RAB11A: variants seen among roughly 807,000 people sequenced by gnomAD.
RAB11A encodes ras-related protein Rab-11A.
In RAB11A, 9 loss-of-function variants were observed where a neutral mutation model predicts 28.0. The observed-to-expected ratio is 0.32, with a 90% CI of 0.19 to 0.56. RAB11A has a LOEUF of 0.56. Ranked by LOEUF, RAB11A falls within the 20% of genes least tolerant of loss-of-function variation. The pLI is 0.91. For missense variants in RAB11A, 108 were observed against 269.6 expected (o/e 0.40, Z 4.20); for synonymous variants, 85 against 88.2 (o/e 0.96, Z 0.20).
At chr15:65,875,313 A>T (rs1481100266) in intron 1 of RAB11A, among the ~76,000 whole-genome samples, 2 of 151,434 alleles carry the variant, frequency 1.3e-5, no homozygotes, top group Non-Finnish European at 2.9e-5. Flanking sequence ...TGTATAAGTG[A>T]TTCAAAGGCC....
At chr15:65,883,637 C>T (rs1371579518) in intron 4 of RAB11A, among the ~76,000 whole-genome samples, 3 of 152,016 alleles carry the variant, frequency 2.0e-5, no homozygotes, top group Non-Finnish European at 4.4e-5. Context: ...CCAGGCAAGA[C>T]TCTGCCTCCT....
chr15:65,871,293 C>G (rs993231544), intron 1 of RAB11A, among the ~76,000 whole-genome samples: 3 of 152,208 alleles, frequency 2.0e-5, no homozygotes, highest in African/African-American at 7.2e-5. Context: ...TCCACCCTCC[C>G]CCTCCATACT....
intron 4 of RAB11A, among the ~76,000 whole-genome samples, chr15:65,884,640 A>C (rs1214686914): frequency 6.6e-6 from 1 of 152,022 alleles, no homozygotes; most frequent in African/African-American, 2.4e-5. Context: ...CACTTACTCC[A>C]GTTACCAAAA....
Position 65,890,876 on chromosome 15 carries a change from A to G in RAB11A, c.*3036A>G, listed in dbSNP as rs2078288978. On this transcript the variant is annotated 3_prime_UTR_variant, in exon 5 of 5. Transcript: ENST00000261890. The stretch of plus-strand genomic sequence containing the variant: ...GGGCTTGGTTTAACAGAGGAAAAAA[A>G]TATAAATTGATTTTCTGATGTCTCA... The G allele has an allele frequency of 1.3e-5, 2 of 152,250 alleles. No homozygotes were observed. The highest frequency in any genetic ancestry group is 2.1e-4 in the South Asian group (1 of 4,834). 9.4% of individuals were successfully genotyped at this position (152,250 alleles called of 1,614,324 possible).
intron 1 of RAB11A, among the ~76,000 whole-genome samples, 156 bp downstream of exon 1, chr15:65,869,781 TC>T (rs2078146715): frequency 1.3e-5 from 2 of 151,916 alleles, no homozygotes; most frequent in South Asian, 4.2e-4. Context: ...CAGCCTCTTC[TC>T]CCCCGCTCAG....
chr15:65,883,056 A>G (rs992706131), intron 4 of RAB11A, among the ~76,000 whole-genome samples: 1 of 152,152 alleles, frequency 6.6e-6, no homozygotes, highest in African/African-American at 2.4e-5. Context: ...GATGACCCTC[A>G]TCCTTGAGTA....
At chr15:65,871,887 A>G (rs1449541012) in intron 1 of RAB11A, among the ~76,000 whole-genome samples, 1 of 150,784 alleles carries the variant, frequency 6.6e-6, no homozygotes, top group Non-Finnish European at 1.5e-5. Flanking sequence ...ATAAATGGTA[A>G]TAATGTGAAA....
chr15:65,872,037 A>AC (rs1038761867), intron 1 of RAB11A, among the ~76,000 whole-genome samples: 2 of 142,198 alleles, frequency 1.4e-5, no homozygotes, highest in African/African-American at 2.7e-5. Flanking sequence ...GGCTCAGGTG[A>AC]CCCCCCGACC....
intron 4 of RAB11A, among the ~76,000 whole-genome samples, chr15:65,885,918 T>C (rs2078253217): frequency 6.6e-6 from 1 of 152,164 alleles, no homozygotes; most frequent in Non-Finnish European, 1.5e-5. Flanking sequence ...GGAATTCTGT[T>C]GAGGGGATTA....
At chr15:65,876,873 C>G (rs2078194418) in intron 1 of RAB11A, among the ~76,000 whole-genome samples, 2 of 152,210 alleles carry the variant, frequency 1.3e-5, no homozygotes, top group South Asian at 4.1e-4. Context: ...TTTTGTCCTT[C>G]CCTACCCACT....
rs2141103762 is a variant in RAB11A at position 65,877,888 on chromosome 15, T to C, written c.363T>C (p.Leu121=). The stretch of plus-strand genomic sequence containing the variant: ...CTGATAGTAACATTGTTATCATGCT[T>C]GTGGGCAATAAGAGTGATCTACGTC... ...DHADSNIVIM[L]VGNKSDLRHL... is the part of the protein sequence containing the mutation. The change falls in exon 3 of 5, where the codon CTT becomes CTC. Residue 121 remains leucine (L), a synonymous_variant. Coordinates refer to ENST00000261890, the MANE Select transcript of RAB11A (RefSeq NM_004663.5). The surrounding 1 kb of genome is among the most constrained non-coding windows in gnomAD (Gnocchi z 4.1). 6.2e-7 allele frequency: 1 copy of C among 1,613,944 alleles called. No individual in the cohort carries two copies. Among genetic ancestry groups the C allele is most frequent in the Non-Finnish European group, 8.5e-7 (1 of 1,179,806 alleles).
In RAB11A at chr15:65,890,812, T is replaced by C. The variant is rs2141111894; in HGVS notation, c.*2972T>C. 6.6e-6 allele frequency: 1 copy of C among 152,326 alleles called. No homozygotes were observed. The highest frequency in any genetic ancestry group is 1.9e-4 in the East Asian group (1 of 5,182). 9.4% of individuals were successfully genotyped at this position (152,326 alleles called of 1,614,324 possible). A position where few individuals can be genotyped will look rare whatever the true frequency, so the allele number is the denominator to read the frequency against. On this transcript the variant is annotated 3_prime_UTR_variant, in exon 5 of 5. Coordinates refer to ENST00000261890, the MANE Select transcript of RAB11A (RefSeq NM_004663.5). ...AAAGAATTCAAAGGCTGGGTGGATA[T>C]TTAAGAACTTATTCTAACCTGTCAG...
At chr15:65,879,107 C>T (rs1231283386) in intron 3 of RAB11A, among the ~76,000 whole-genome samples, 2 of 151,870 alleles carry the variant, frequency 1.3e-5, no homozygotes, top group Non-Finnish European at 1.5e-5. Flanking sequence ...GATCTTCCAC[C>T]TCAGCCTCCT....
intron 1 of RAB11A, among the ~76,000 whole-genome samples, chr15:65,875,829 G>T (rs1235293899): frequency 2.0e-5 from 3 of 152,098 alleles, no homozygotes; most frequent in African/African-American, 7.2e-5. Flanking sequence ...CTTTCCACTC[G>T]TACCACCATC....
At chr15:65,881,321 T>C (rs748970489) in intron 4 of RAB11A, among the ~76,000 whole-genome samples, 2 of 152,166 alleles carry the variant, frequency 1.3e-5, no homozygotes, top group Non-Finnish European at 2.9e-5. Context: ...GAGTACTAGA[T>C]TGAGACCCAG....
chr15:65,890,917 T>G lies in RAB11A; in HGVS notation c.*3077T>G, dbSNP rs912616898. The stretch of plus-strand genomic sequence containing the variant: ...TGATGTCTCACAAATATCACATACC[T>G]GGAAAAAAATTAAAACAAAAAATGA... On this transcript the variant is annotated 3_prime_UTR_variant, in exon 5 of 5. Coordinates refer to ENST00000261890, the MANE Select transcript of RAB11A (RefSeq NM_004663.5). 6.6e-6 allele frequency: 1 copy of G among 152,186 alleles called. No individual in the cohort carries two copies. The highest frequency in any genetic ancestry group is 1.5e-5 in the Non-Finnish European group (1 of 68,028). 9.4% of individuals were successfully genotyped at this position (152,186 alleles called of 1,614,324 possible). A position where few individuals can be genotyped will look rare whatever the true frequency, so the allele number is the denominator to read the frequency against.
chr15:65,869,621 TA>T lies in RAB11A; in HGVS notation c.39del (p.Val14LeufsTer33). 6.2e-7 allele frequency: 1 copy of T among 1,611,634 alleles called. No homozygotes were observed. ...GCGACGACGAGTACGACTACCTCTT[TA>T]AAGGTGAGGCCATGGGCTCTCGCAC... ...TRDDEYDYLF[K>X]VVLIGDSGVG... On this transcript the variant is annotated frameshift_variant, in exon 1 of 5. Transcript: ENST00000261890. LOFTEE classifies it high-confidence loss of function.
chr15:65,883,782 C>T (rs574319868), intron 4 of RAB11A, among the ~76,000 whole-genome samples: 45 of 152,100 alleles, frequency 3.0e-4, no homozygotes, highest in African/African-American at 1.0e-3. Flanking sequence ...TAACTCCTGG[C>T]CTCACGTGAT....
intron 1 of RAB11A, among the ~76,000 whole-genome samples, chr15:65,876,586 C>T (rs1316980306): frequency 1.2e-4 from 19 of 152,284 alleles, no homozygotes; most frequent in Admixed American, 2.6e-4. Context: ...TGTGAGCCAC[C>T]ACACCCGGCA....
Sources: gnomAD v4.1 joint callset for allele counts (sites outside exome capture counted in the v4.1 genomes callset) on GRCh38, gnomAD v4.1.1 for gene constraint, Gnocchi (gnomAD v3.1) non-coding constraint, MANE v1.5 for transcripts, NCBI Gene and HGNC (gene_info 2026-07-23, HGNC 2026-07-21) for gene names.